The following ANKRD6 variants were observed in gnomAD, a reference collection of about 807,000 sequenced individuals.
ANKRD6 encodes the protein ankyrin repeat domain 6, also known as ankyrin repeat domain-containing protein 6.
Under a neutral mutation model 82.3 loss-of-function variants are expected in ANKRD6, and 56 were observed. The observed-to-expected ratio is 0.68, with a 90% CI of 0.55 to 0.85. The LOEUF (loss-of-function observed/expected upper bound fraction) is 0.85, where lower values mean the gene tolerates loss of function less well. Among genes scored for constraint, ANKRD6 ranks in the 40% least tolerant of loss-of-function variants. The probability of loss-of-function intolerance (pLI) is 0.00; values close to 1 mark genes in which losing one functional copy is unlikely to be tolerated. For synonymous variants in ANKRD6, 347 were observed against 352.1 expected, an observed-to-expected ratio of 0.99 and a Z score of 0.16; for missense variants, 852 against 907.6, an observed-to-expected ratio of 0.94 and a Z score of 0.79.
At chr6:89,596,655 CTGAT>C (rs1795992382) in intron 3 of ANKRD6, among the ~76,000 whole-genome samples, 1 of 152,286 alleles carries the variant, frequency 6.6e-6, no homozygotes, top group East Asian at 1.9e-4. Context: ...GAGATGGACT[CTGAT>C]TGGCTCCTCT....
chr6:89,460,283 AT>A (rs1397478394), intron 1 of ANKRD6, among the ~76,000 whole-genome samples: 1 of 151,836 alleles, frequency 6.6e-6, no homozygotes, highest in Non-Finnish European at 1.5e-5. Context: ...TTAAAATATA[AT>A]TTTCCAATTC....
At chr6:89,491,511 C>T (rs1778001294) in intron 1 of ANKRD6, among the ~76,000 whole-genome samples, 1 of 152,106 alleles carries the variant, frequency 6.6e-6, no homozygotes, top group African/African-American at 2.4e-5. Context: ...AGCTGGAAAC[C>T]ATCATTCTCA....
At chr6:89,478,810 AGAAAT>A (rs1776413353) in intron 1 of ANKRD6, among the ~76,000 whole-genome samples, 1 of 152,008 alleles carries the variant, frequency 6.6e-6, no homozygotes, top group Non-Finnish European at 1.5e-5. Flanking sequence ...TTTTTTTAAA[AGAAAT>A]GAGACATACA....
intron 8 of ANKRD6, 58 bp from the exon 9 acceptor site, chr6:89,617,896 C>A: frequency 1.3e-6 from 2 of 1,530,284 alleles, no homozygotes; most frequent in South Asian, 1.1e-5. Flanking sequence ...GCCAGCTGGG[C>A]TATGTGCGTG....
At chr6:89,444,265 T>G (rs1245080742) in intron 1 of ANKRD6, among the ~76,000 whole-genome samples, 1 of 152,200 alleles carries the variant, frequency 6.6e-6, no homozygotes, top group African/African-American at 2.4e-5. Context: ...TTTCCTCCAT[T>G]TGCTGTTCAA....
At chr6:89,467,387 GT>G (rs1372231882) in intron 1 of ANKRD6, among the ~76,000 whole-genome samples, 1 of 152,112 alleles carries the variant, frequency 6.6e-6, no homozygotes, top group Non-Finnish European at 1.5e-5. Flanking sequence ...AACTTTTGGA[GT>G]TTGCTTTGTT....
chr6:89,512,316 G>T (rs1780649713), intron 1 of ANKRD6, among the ~76,000 whole-genome samples: 2 of 152,232 alleles, frequency 1.3e-5, no homozygotes, highest in African/African-American at 2.4e-5. Context: ...AAAACATCCA[G>T]TAGAGAGGTT....
At chr6:89,485,247 A>G (rs1374180210) in intron 1 of ANKRD6, among the ~76,000 whole-genome samples, 1 of 152,238 alleles carries the variant, frequency 6.6e-6, no homozygotes, top group Non-Finnish European at 1.5e-5. Context: ...TGTGATGCCA[A>G]TACGCTCAGT....
intron 1 of ANKRD6, among the ~76,000 whole-genome samples, chr6:89,471,156 C>T (rs1214343387): frequency 6.6e-6 from 1 of 151,838 alleles, no homozygotes; most frequent in South Asian, 2.1e-4. Context: ...TTCGAGACCA[C>T]CCTGGCCAAC....
chr6:89,491,816 A>G (rs896789201), intron 1 of ANKRD6, among the ~76,000 whole-genome samples: 1 of 152,152 alleles, frequency 6.6e-6, no homozygotes, highest in Non-Finnish European at 1.5e-5. Flanking sequence ...TAAAAAAAAA[A>G]AGTCCTCTCC....
At chr6:89,506,841 C>T (rs1386142381) in intron 1 of ANKRD6, among the ~76,000 whole-genome samples, 1 of 152,192 alleles carries the variant, frequency 6.6e-6, no homozygotes, top group Non-Finnish European at 1.5e-5. Context: ...AACCTTCTGT[C>T]CTCTCCAACT....
intron 1 of ANKRD6, among the ~76,000 whole-genome samples, chr6:89,472,413 T>C (rs1010706394): frequency 6.6e-6 from 1 of 152,222 alleles, no homozygotes; most frequent in Non-Finnish European, 1.5e-5. Flanking sequence ...AATATATACA[T>C]TGGAAATCAT....
intron 7 of ANKRD6, among the ~76,000 whole-genome samples, chr6:89,614,713 G>A (rs1170897342): frequency 6.6e-6 from 1 of 152,036 alleles, no homozygotes; most frequent in African/African-American, 2.4e-5. Flanking sequence ...TGTAGTTCCA[G>A]CTACTCAGGA....
At chr6:89,532,784 C>T (rs563994760) in intron 1 of ANKRD6, among the ~76,000 whole-genome samples, 9 of 152,208 alleles carry the variant, frequency 5.9e-5, no homozygotes, top group African/African-American at 2.2e-4. Flanking sequence ...TCACTTCAAC[C>T]TTTGCCTCCC....
intron 1 of ANKRD6, among the ~76,000 whole-genome samples, chr6:89,522,773 T>A (rs1339695579): frequency 6.6e-6 from 1 of 152,202 alleles, no homozygotes; most frequent in Non-Finnish European, 1.5e-5. Context: ...TTTCTTTTCT[T>A]CCAGAGTAGA....
intron 1 of ANKRD6, among the ~76,000 whole-genome samples, chr6:89,434,778 T>A (rs1275087983): frequency 6.6e-6 from 1 of 152,142 alleles, no homozygotes; most frequent in Non-Finnish European, 1.5e-5. Flanking sequence ...ATGTTACACT[T>A]TGTCATCTTT....
At chr6:89,593,963 C>A (rs1292196072) in intron 2 of ANKRD6, among the ~76,000 whole-genome samples, 1 of 152,184 alleles carries the variant, frequency 6.6e-6, no homozygotes, top group Non-Finnish European at 1.5e-5. Context: ...TATGACCCAG[C>A]AACAGGGCTA....
intron 1 of ANKRD6, chr6:89,562,482 T>C (rs1787581651): frequency 6.6e-6 from 1 of 152,234 alleles, no homozygotes; most frequent in African/African-American, 2.4e-5. Flanking sequence ...CTTGCATTAC[T>C]GCTGAAATTA....
At chr6:89,584,268 G>C (rs1562924746) in intron 2 of ANKRD6, among the ~76,000 whole-genome samples, 1 of 152,174 alleles carries the variant, frequency 6.6e-6, no homozygotes, top group African/African-American at 2.4e-5. Context: ...TCCCCACCCT[G>C]GTAGTGCTGT....
Sources: allele counts gnomAD v4.1 joint callset (sites outside exome capture counted in the v4.1 genomes callset), GRCh38; gene constraint gnomAD v4.1.1; transcripts MANE v1.5; gene names NCBI Gene and HGNC (gene_info 2026-07-23, HGNC 2026-07-21).